Variants in ZNF808 observed in about 807,000 individuals in gnomAD.
The protein encoded by ZNF808 is zinc finger protein 808.
In ZNF808, 5 loss-of-function variants were observed where a neutral mutation model predicts 8.7. The ratio of observed to expected loss-of-function variants is 0.58; its 90% CI spans 0.30 to 1.21. ZNF808 has a LOEUF of 1.21. Among genes scored for constraint, ZNF808 ranks in the 50% most tolerant of loss-of-function variants. The pLI is 0.07. For synonymous variants in ZNF808, 380 were observed against 366.0 expected (o/e 1.04, Z -0.44); for missense variants, 1,103 against 1,098.4 (o/e 1.00, Z -0.06).
intron 2 of ZNF808, among the ~76,000 whole-genome samples, chr19:52,535,588 C>T (rs1343942281): frequency 6.6e-6 from 1 of 152,130 alleles, no homozygotes. Context: ...GCATCCCAGG[C>T]GGAGGCCCTA....
At chr19:52,551,721 C>T (rs2059778394) in intron 4 of ZNF808, among the ~76,000 whole-genome samples, 1 of 152,028 alleles carries the variant, frequency 6.6e-6, no homozygotes, top group Non-Finnish European at 1.5e-5. Context: ...CACAAAGTGC[C>T]ACCAGGTGCA....
At chr19:52,551,580 G>A (rs577366403) in intron 4 of ZNF808, among the ~76,000 whole-genome samples, 5 of 152,190 alleles carry the variant, frequency 3.3e-5, no homozygotes, top group African/African-American at 1.2e-4. Context: ...TCTGCGGGCT[G>A]TATAAATGTA....
chr19:52,561,212 CTA>C (rs374488821), downstream of ZNF808, among the ~76,000 whole-genome samples: 1,307 of 39,622 alleles, frequency 0.033, 33 homozygotes, highest in South Asian at 0.041. Context: ...CTCTCTCTCT[CTA>C]TATATATATA....
At chr19:52,537,137 G>C (rs1212885977) in intron 2 of ZNF808, among the ~76,000 whole-genome samples, 1 of 151,974 alleles carries the variant, frequency 6.6e-6, no homozygotes, top group Non-Finnish European at 1.5e-5. Flanking sequence ...GGTGAGCCGA[G>C]ATCGCACCAT....
chr19:52,553,719 T>C lies in ZNF808; in HGVS notation c.803T>C (p.Phe268Ser). The C allele has an allele frequency of 6.2e-7, 1 of 1,614,088 alleles. No individual in the cohort carries two copies. The highest frequency in any genetic ancestry group is 1.1e-5 in the South Asian group (1 of 91,078). Reference sequence around the variant, plus strand: ...AAATGTGATGTATGTGGCAAGCTCTTTAATCACAAGCAATACCTTGCATGC... The same window carrying C: ...AAATGTGATGTATGTGGCAAGCTCTCTAATCACAAGCAATACCTTGCATGC... Reference protein sequence around the residue: ...QYKCDVCGKLFNHKQYLACHR... With the variant: ...QYKCDVCGKLSNHKQYLACHR... The change falls in exon 5 of 5, where the codon TTT (phenylalanine) becomes TCT (serine). Residue 268 changes from phenylalanine (F) to serine (S), a missense_variant. Physicochemically the swap from Phe to Ser is radical, Grantham distance 155 (BLOSUM62 -2). Coordinates refer to ENST00000359798, the MANE Select transcript of ZNF808 (RefSeq NM_001039886.4).
rs2059521273 is a variant in ZNF808, at chr19:52,527,674, G to C, written c.-159G>C. The C allele has an allele frequency of 6.4e-6, 1 of 155,912 alleles. No individual in the cohort carries two copies. The highest frequency in any genetic ancestry group is 1.4e-5 in the Non-Finnish European group (1 of 70,466). The allele number at this position is 155,912 out of a possible 1,614,324, so 9.7% of individuals were successfully genotyped here. On this transcript the variant is annotated 5_prime_UTR_variant, in exon 1 of 5. Coordinates refer to ENST00000359798, the MANE Select transcript of ZNF808 (RefSeq NM_001039886.4). ...TGCGCGCGGAGATTAACGCAAACCC[G>C]GAAGCGGATCGGGTGGAGTGAAGGT...
intron 1 of ZNF808, among the ~76,000 whole-genome samples, chr19:52,531,858 T>C (rs1282788180): frequency 1.3e-5 from 2 of 152,212 alleles, no homozygotes; most frequent in Admixed American, 6.5e-5. Context: ...TTGCACCCTC[T>C]GACACTGTTA....
In ZNF808 at chr19:52,554,480, C is replaced by A; in HGVS notation, c.1564C>A (p.His522Asn). 1 of 1,614,144 alleles carries A rather than the reference C, an allele frequency of 6.2e-7. No homozygotes were observed. Among genetic ancestry groups the A allele is most frequent in the Non-Finnish European group, 8.5e-7 (1 of 1,180,018 alleles). ...KCNQCGNTFR[H>N]RASLVYHRRL... ...TAATCAGTGTGGCAATACCTTCCGT[C>A]ACCGGGCATCCCTTGTATACCATCG... is the stretch of plus-strand genomic sequence containing the variant. The change falls in exon 5 of 5, where the codon CAC (histidine) becomes AAC (asparagine). Residue 522 changes from histidine to asparagine, a missense_variant. Physicochemically the swap from His to Asn is moderately conservative, Grantham distance 68. Transcript: ENST00000359798.
chr19:52,535,133 C>G (rs1182200655), intron 2 of ZNF808, among the ~76,000 whole-genome samples: 1 of 151,080 alleles, frequency 6.6e-6, no homozygotes, highest in African/African-American at 2.4e-5. Context: ...AGATCAAGAC[C>G]ATCCTGGCTA....
chr19:52,537,148 T>C (rs1219009708), intron 2 of ZNF808, among the ~76,000 whole-genome samples: 2 of 151,650 alleles, frequency 1.3e-5, no homozygotes, highest in African/African-American at 2.4e-5. Flanking sequence ...ATCGCACCAT[T>C]GCACTCCAGC....
intron 3 of ZNF808, among the ~76,000 whole-genome samples, chr19:52,545,003 C>T (rs997051269): frequency 3.9e-5 from 6 of 152,098 alleles, no homozygotes; most frequent in South Asian, 2.1e-4. Flanking sequence ...TCAGGCTGGT[C>T]GAACTACTGA....
chr19:52,547,433 T>C, intron 3 of ZNF808, 79 bp from the exon 4 acceptor site: 1 of 1,602,284 alleles, frequency 6.2e-7, no homozygotes, highest in East Asian at 2.2e-5. Context: ...TAAATACTTA[T>C]TTTCCCTTTT....
Position 52,555,660 on chromosome 19 carries a change from C to T in ZNF808, c.*32C>T. On this transcript the variant is annotated 3_prime_UTR_variant, in exon 5 of 5. Coordinates refer to ENST00000359798, the MANE Select transcript of ZNF808 (RefSeq NM_001039886.4). ...GATTGTCACAAAGTCTTCAGTAACA[C>T]TACAACAATTGCAAATCATTGGAGA... 1 of 1,576,964 alleles carries T rather than the reference C, an allele frequency of 6.3e-7. No homozygotes were observed. Among genetic ancestry groups the T allele is most frequent in the Non-Finnish European group, 8.6e-7 (1 of 1,163,992 alleles).
At chr19:52,561,196 CTCTCTCTCTCTCTCTCTATATATATATA>C (rs1455267525), downstream of ZNF808, among the ~76,000 whole-genome samples, 5 of 60,726 alleles carry the variant, frequency 8.2e-5, no homozygotes, top group African/African-American at 1.8e-4. Flanking sequence ...CTCTCTCTCT[CTCTCTCTCTCTCTCTCTATATATATATA>C]TATATATATA....
chr19:52,542,612 G>T (rs666356), intron 2 of ZNF808, among the ~76,000 whole-genome samples: 54,022 of 151,838 alleles, frequency 0.36, 10,935 homozygotes, highest in African/African-American at 0.53. Context: ...AGAGAGTTTA[G>T]TTTGCCCAAG....
chr19:52,568,388 C>T (rs1433455711), downstream of ZNF808, among the ~76,000 whole-genome samples: 3 of 152,116 alleles, frequency 2.0e-5, no homozygotes, highest in Non-Finnish European at 2.9e-5. Context: ...CAAAACAAAA[C>T]AAAACAAAAT....
chr19:52,552,961 A>G, intron 4 of ZNF808, 146 bp from the exon 5 acceptor site: 1 of 1,219,376 alleles, frequency 8.2e-7, no homozygotes, highest in Non-Finnish European at 1.1e-6. Flanking sequence ...TTACTAAAGA[A>G]TCTCACTCTT....
At position 52,552,377 on chromosome 19, in the gene ZNF808, C is replaced by T. The variant is rs183968657; in HGVS notation, c.191-730C>T. Reference sequence around the variant, plus strand: ...TGTGTAGATATATATAATTTTATGACATTTATTTAGAAAAATATTGTACTA... The same window carrying T: ...TGTGTAGATATATATAATTTTATGATATTTATTTAGAAAAATATTGTACTA... On this transcript the variant is annotated intron_variant, in intron 4 of 4. Coordinates refer to ENST00000359798, the MANE Select transcript of ZNF808 (RefSeq NM_001039886.4). Among the ~76,000 whole-genome samples, 191 of 151,096 alleles carry T rather than the reference C, an allele frequency of 1.3e-3. No individual in the cohort carries two copies. The East Asian group carries it at 0.022, about 17-fold the overall frequency.
intron 2 of ZNF808, among the ~76,000 whole-genome samples, chr19:52,540,024 T>A (rs561455689): frequency 9.5e-4 from 144 of 151,944 alleles, no homozygotes; most frequent in Non-Finnish European, 1.6e-3. Context: ...TTTAGATATA[T>A]GTATTTATTT....
Sources: gnomAD v4.1 joint callset for allele counts (sites outside exome capture counted in the v4.1 genomes callset) on GRCh38, gnomAD v4.1.1 for gene constraint, MANE v1.5 for transcripts, NCBI Gene and HGNC (gene_info 2026-07-23, HGNC 2026-07-21) for gene names.